TMEM71: variants seen among roughly 807,000 people sequenced by gnomAD.
TMEM71 encodes transmembrane protein 71.
In TMEM71, 44 loss-of-function variants were observed where a neutral mutation model predicts 38.0. The observed-to-expected ratio is 1.16, with a 90% CI of 0.91 to 1.49. TMEM71 has a LOEUF of 1.49. TMEM71 is among the 40% of genes most tolerant of loss of function. TMEM71 has a pLI of 0.00. For synonymous variants in TMEM71, 133 were observed against 122.5 expected (o/e 1.09, Z -0.56); for missense variants, 367 against 348.6 (o/e 1.05, Z -0.42).
intron 4 of TMEM71, among the ~76,000 whole-genome samples, chr8:132,749,508 T>C (rs1367905698): frequency 6.6e-6 from 1 of 152,202 alleles, no homozygotes; most frequent in African/African-American, 2.4e-5. Context: ...CTGTACCATT[T>C]ACGGGCTGGG....
At chr8:132,728,694 A>G (rs1827289360) in intron 5 of TMEM71, among the ~76,000 whole-genome samples, 1 of 152,218 alleles carries the variant, frequency 6.6e-6, no homozygotes, top group African/African-American at 2.4e-5. Flanking sequence ...TCACATCTTT[A>G]TAGGACCAAA....
intron 5 of TMEM71, among the ~76,000 whole-genome samples, chr8:132,746,476 C>CAT (rs1462947732): frequency 3.3e-3 from 48 of 14,496 alleles, no homozygotes; most frequent in East Asian, 0.012. Context: ...TATATATATA[C>CAT]ATATATATAT....
intron 5 of TMEM71, among the ~76,000 whole-genome samples, chr8:132,732,192 C>G (rs1224305123): frequency 6.6e-6 from 1 of 152,116 alleles, no homozygotes; most frequent in East Asian, 1.9e-4. Context: ...AAGGCTGGAA[C>G]AAGTTATCCA....
chr8:132,711,042 T>G, intron 9 of TMEM71, 60 bp from the exon 10 acceptor site: 1 of 1,539,942 alleles, frequency 6.5e-7, no homozygotes, highest in Non-Finnish European at 8.9e-7. Context: ...GGAAATGCAG[T>G]ATCTAATCAC....
At chr8:132,717,086 C>T (rs1046804413) in intron 7 of TMEM71, among the ~76,000 whole-genome samples, 4 of 152,130 alleles carry the variant, frequency 2.6e-5, no homozygotes, top group African/African-American at 7.2e-5. Context: ...CAAAGGTTAA[C>T]TCAAAATGAA....
At chr8:132,727,722 C>A in intron 6 of TMEM71, 76 bp downstream of exon 6, 1 of 1,345,762 alleles carries the variant, frequency 7.4e-7, no homozygotes, top group Non-Finnish European at 1.0e-6. Flanking sequence ...GCATTTTAGT[C>A]ATCTCCAAGT....
In TMEM71 at chr8:132,751,822, A is replaced by T; in HGVS notation, c.277T>A (p.Ser93Thr). Residue 93 changes from serine to threonine, a missense_variant, in exon 4 of 10, where the codon TCC becomes ACC. Coordinates refer to ENST00000677595, the MANE Select transcript of TMEM71 (RefSeq NM_001382403.1). ...DKDGNITLNP[S>T]QTSVMYKENL... is the part of the protein sequence containing the mutation. ...TCCTTATACATAACGCTGGTCTGGG[A>T]TGGGTTCAGAGTTATGTTGCCATCT... The T allele has an allele frequency of 6.2e-7, 1 of 1,613,832 alleles. No individual in the cohort carries two copies. Among genetic ancestry groups the T allele is most frequent in the Non-Finnish European group, 8.5e-7 (1 of 1,180,036 alleles).
chr8:132,716,132 A>G (rs990088547), intron 7 of TMEM71, among the ~76,000 whole-genome samples: 5 of 152,218 alleles, frequency 3.3e-5, no homozygotes, highest in Non-Finnish European at 7.3e-5. Context: ...GAACCCAGGC[A>G]TCCCTGCACT....
At chr8:132,769,190 C>T in the TMEM71 span, among the ~76,000 whole-genome samples, 2 of 152,198 alleles carry the variant, frequency 1.3e-5, no homozygotes, top group African/African-American at 4.8e-5. Flanking sequence ...ATAAAGTCTG[C>T]ATAGAACTCT....
At chr8:132,752,160 C>T (rs980625666) in intron 3 of TMEM71, among the ~76,000 whole-genome samples, 163 bp from the exon 4 acceptor site, 1 of 152,238 alleles carries the variant, frequency 6.6e-6, no homozygotes, top group Non-Finnish European at 1.5e-5. Flanking sequence ...TGGGCTTCAT[C>T]TCCTCACCTA....
At chr8:132,748,388 G>A (rs1003996422) in intron 4 of TMEM71, among the ~76,000 whole-genome samples, 1 of 152,222 alleles carries the variant, frequency 6.6e-6, no homozygotes, top group Non-Finnish European at 1.5e-5. Context: ...CAGATGGTGA[G>A]AAGAGGCTAG....
At chr8:132,772,144 G>C in the TMEM71 span, among the ~76,000 whole-genome samples, 2 of 152,116 alleles carry the variant, frequency 1.3e-5, no homozygotes, top group Non-Finnish European at 2.9e-5. Context: ...TTGTAATCAA[G>C]GAGTATCTGG....
Position 132,753,246 on chromosome 8 carries a change from C to G in TMEM71, c.102-1249G>C, listed in dbSNP as rs139707406. 1.3e-4 allele frequency among the ~76,000 whole-genome samples: 19 copies of G among 151,102 alleles called. No individual in the cohort carries two copies. The East Asian group carries it at 3.7e-3, about 29-fold the overall frequency. ...CCAGTTACTGAACGAAATCACCTGA[C>G]AGGCTATGGAAATCTGGTAAAACCT... On this transcript the variant is annotated intron_variant, in intron 3 of 9. Transcript: ENST00000677595.
At chr8:132,755,091 A>G (rs930622267) in intron 3 of TMEM71, among the ~76,000 whole-genome samples, 11 of 152,182 alleles carry the variant, frequency 7.2e-5, no homozygotes, top group Non-Finnish European at 1.5e-4. Flanking sequence ...TGGGGCAACT[A>G]TATGGTGCTG....
chr8:132,712,027 G>C (rs1004038528), intron 9 of TMEM71, among the ~76,000 whole-genome samples: 5 of 152,008 alleles, frequency 3.3e-5, no homozygotes, highest in African/African-American at 7.2e-5. Flanking sequence ...TAATATACAC[G>C]CAGAGCTCTT....
chr8:132,766,137 C>CT, the TMEM71 span, among the ~76,000 whole-genome samples: 2 of 152,114 alleles, frequency 1.3e-5, no homozygotes, highest in Non-Finnish European at 2.9e-5. Context: ...AGCTTTGCTC[C>CT]TTGTGCCATC....
intron 7 of TMEM71, 64 bp downstream of exon 7, chr8:132,721,973 AATC>A: frequency 7.4e-7 from 1 of 1,351,738 alleles, no homozygotes; most frequent in Non-Finnish European, 1.1e-6. Flanking sequence ...AAGGCAAGGA[AATC>A]ATCAATCAGC....
At chr8:132,727,698 A>G (rs1054006987) in intron 6 of TMEM71, 100 bp downstream of exon 6, 54 of 1,086,224 alleles carry the variant, frequency 5.0e-5, no homozygotes, top group Non-Finnish European at 7.1e-5. Flanking sequence ...ACAGGTTGGT[A>G]CCAGCTCCTA....
upstream of TMEM71, among the ~76,000 whole-genome samples, chr8:132,765,295 C>T (rs560427389): frequency 1.4e-4 from 21 of 152,274 alleles, 1 homozygote; most frequent in African/African-American, 2.4e-4. Flanking sequence ...TTAGACTTTG[C>T]GGCAAGCTCA....
Sources: allele counts gnomAD v4.1 joint callset (sites outside exome capture counted in the v4.1 genomes callset), GRCh38; gene constraint gnomAD v4.1.1; transcripts MANE v1.5; gene names NCBI Gene and HGNC (gene_info 2026-07-23, HGNC 2026-07-21).